The following PSG5 variants were observed in gnomAD, a reference collection of about 807,000 sequenced individuals.
The protein encoded by PSG5 is pregnancy-specific beta-1-glycoprotein 5.
Under a neutral mutation model 37.7 loss-of-function variants are expected in PSG5, and 53 were observed. The observed-to-expected ratio is 1.41, with a 90% CI of 1.13 to 1.77. PSG5 has a LOEUF of 1.77. Among genes scored for constraint, PSG5 ranks in the 40% most tolerant of loss-of-function variants. The pLI is 0.00. For synonymous variants in PSG5, 221 were observed against 155.4 expected (o/e 1.42, Z -3.14); for missense variants, 547 against 405.2 (o/e 1.35, Z -3.00).
At chr19:43,168,405 G>C (rs1399044029) in intron 5 of PSG5, among the ~76,000 whole-genome samples, 1 of 151,266 alleles carries the variant, frequency 6.6e-6, no homozygotes, top group East Asian at 1.9e-4. Context: ...GTCTCACTCT[G>C]TCACCCAGGC....
rs1179905126 is a variant in PSG5, at chr19:43,170,081, T to C, written c.*14A>G. The C allele has an allele frequency of 6.4e-7, 1 of 1,571,948 alleles. No homozygotes were observed. Among genetic ancestry groups the C allele is most frequent in the East Asian group, 2.3e-5 (1 of 43,708 alleles). On this transcript the variant is annotated 3_prime_UTR_variant, in exon 5 of 6. Coordinates refer to ENST00000342951, the MANE Select transcript of PSG5 (RefSeq NM_002781.4). ...TGCCAGTCTTCCTGAAATACAGAAA[T>C]GACTTCACGGCTGCTATATTGGATT...
intron 2 of PSG5, chr19:43,179,265 T>C: frequency 2.2e-6 from 3 of 1,348,966 alleles, no homozygotes; most frequent in Non-Finnish European, 3.1e-6. Flanking sequence ...ACCCAAGTCC[T>C]TAAAAGCCCA....
chr19:43,173,167 C>G (rs538702635), intron 4 of PSG5, among the ~76,000 whole-genome samples: 1 of 151,560 alleles, frequency 6.6e-6, no homozygotes, highest in Non-Finnish European at 1.5e-5. Flanking sequence ...AGCTGGATAT[C>G]CAAGGGCAAG....
chr19:43,169,859 T>C (rs1464925608), intron 5 of PSG5, 196 bp downstream of exon 5: 3 of 373,884 alleles, frequency 8.0e-6, no homozygotes, highest in Non-Finnish European at 1.6e-5. Flanking sequence ...GAGATAATTA[T>C]GTCTAAAAGA....
chr19:43,184,109 A>G (rs939056252), intron 2 of PSG5, among the ~76,000 whole-genome samples: 1 of 151,504 alleles, frequency 6.6e-6, no homozygotes. Context: ...GGGACATTAG[A>G]CTTTCTATGG....
intron 2 of PSG5, chr19:43,179,067 G>C: frequency 6.2e-7 from 1 of 1,612,386 alleles, no homozygotes; most frequent in Non-Finnish European, 8.5e-7. Flanking sequence ...GCTTGTGTCT[G>C]AAGCCGCAGG....
chr19:43,169,615 C>A (rs149905726), intron 5 of PSG5, among the ~76,000 whole-genome samples: 1 of 151,536 alleles, frequency 6.6e-6, no homozygotes, highest in Non-Finnish European at 1.5e-5. Context: ...TAGACCCCTG[C>A]AGATTCTTGA....
intron 2 of PSG5, among the ~76,000 whole-genome samples, chr19:43,176,541 A>T (rs1212013689): frequency 6.6e-6 from 1 of 151,444 alleles, no homozygotes; most frequent in Non-Finnish European, 1.5e-5. Flanking sequence ...TTGTCCCCCT[A>T]TATGTGATTT....
chr19:43,178,364 A>G (rs1226372659), intron 2 of PSG5, among the ~76,000 whole-genome samples: 2 of 151,756 alleles, frequency 1.3e-5, no homozygotes, highest in Non-Finnish European at 2.9e-5. Context: ...CTTCCCATCA[A>G]TCAGCCAAGA....
In PSG5 at chr19:43,185,164, G is replaced by T; in HGVS notation, c.65-17C>A. ...AAAGTGATGCTAGGAGGTGGAGAAA[G>T]CACCAGTCAATATTGAGACCTGTGT... On this transcript the variant is annotated splice_polypyrimidine_tract_variant and intron_variant, in intron 1 of 5. Transcript: ENST00000342951. 6.3e-7 allele frequency: 1 copy of T among 1,585,084 alleles called. No homozygotes were observed. Among genetic ancestry groups the T allele is most frequent in the Non-Finnish European group, 8.6e-7 (1 of 1,165,156 alleles).
At chr19:43,178,984 G>C in intron 2 of PSG5, 1 of 1,612,750 alleles carries the variant, frequency 6.2e-7, no homozygotes, top group Non-Finnish European at 8.5e-7. Flanking sequence ...AATATAAAGA[G>C]GGTCCTGTTG....
intron 4 of PSG5, chr19:43,174,763 C>T (rs1434657067): frequency 3.5e-6 from 4 of 1,140,300 alleles, no homozygotes; most frequent in Admixed American, 8.3e-5. Context: ...TGAGCTGCTC[C>T]TCCCTCACCC....
intron 2 of PSG5, among the ~76,000 whole-genome samples, chr19:43,177,893 T>C (rs1354623233): frequency 1.3e-5 from 2 of 151,000 alleles, no homozygotes; most frequent in African/African-American, 2.4e-5. Flanking sequence ...CTTTAATTTC[T>C]TTCAGCAATG....
chr19:43,180,511 T>C (rs1969105938), intron 2 of PSG5: 1 of 151,616 alleles, frequency 6.6e-6, no homozygotes, highest in South Asian at 2.1e-4. Flanking sequence ...ATTGTGGATT[T>C]CTGGATTTCC....
At position 43,175,959 on chromosome 19, in the gene PSG5, A is replaced by T. The variant is rs1331870055; in HGVS notation, c.620T>A (p.Val207Asp). 6.2e-7 allele frequency: 1 copy of T among 1,612,010 alleles called. No homozygotes were observed. Among genetic ancestry groups the T allele is most frequent in the East Asian group, 2.2e-5 (1 of 44,888 alleles). Residue 207 changes from valine to aspartate, a missense_variant, in exon 3 of 6, where the codon GTC becomes GAC. Val to Asp is a radical substitution (Grantham distance 152, BLOSUM62 -3). Transcript: ENST00000342951. ...ATAGGGTCCTGTTTCATTTCTCGTG[A>T]CACTGGGTAGAATGAGGATCCTGTT... ...IENRILILPS[V>D]TRNETGPYEC...
chr19:43,178,737 T>C lies in PSG5; in HGVS notation c.431-2589A>G, dbSNP rs116060423. ...AAGCCTAGGCCTACTCTGTTTTGCC[T>C]GGGGCAGAAAGTCATGGCCAGCTTT... On this transcript the variant is annotated intron_variant, in intron 2 of 5. Coordinates refer to ENST00000342951, the MANE Select transcript of PSG5 (RefSeq NM_002781.4). The C allele has an allele frequency of 5.7e-6, 9 of 1,575,712 alleles. No homozygotes were observed. In the African/African-American group the frequency reaches 1.2e-4, roughly 22 times the overall value.
intron 2 of PSG5, 149 bp from the exon 3 acceptor site, chr19:43,176,297 A>G: frequency 1.4e-6 from 2 of 1,409,330 alleles, no homozygotes; most frequent in South Asian, 1.4e-5. Context: ...AGATAGATGC[A>G]TGATGATCTA....
intron 4 of PSG5, chr19:43,170,469 C>G (rs1483137385): frequency 2.2e-6 from 1 of 447,082 alleles, no homozygotes; most frequent in South Asian, 1.9e-5. Context: ...ATCTTTTTCT[C>G]AGTCTCTCTG....
chr19:43,172,248 A>G (rs1239248902), intron 4 of PSG5, among the ~76,000 whole-genome samples: 1 of 151,616 alleles, frequency 6.6e-6, no homozygotes, highest in Non-Finnish European at 1.5e-5. Flanking sequence ...CCACCTCAAC[A>G]TAAAGGCAAT....
Sources: gnomAD v4.1 joint callset for allele counts (sites outside exome capture counted in the v4.1 genomes callset) on GRCh38, gnomAD v4.1.1 for gene constraint, MANE v1.5 for transcripts, NCBI Gene and HGNC (gene_info 2026-07-23, HGNC 2026-07-21) for gene names.